Variants in ZFHX3 observed in about 807,000 individuals in gnomAD.
The protein encoded by ZFHX3 is zinc finger homeobox 3.
ZFHX3 carries 42 observed loss-of-function variants against 279.1 expected under a neutral mutation model. The observed-to-expected ratio is 0.15, with a 90% CI of 0.12 to 0.19. The LOEUF (loss-of-function observed/expected upper bound fraction) is 0.19, where lower values mean the gene tolerates loss of function less well. Ranked by LOEUF, ZFHX3 falls within the 10% of genes least tolerant of loss-of-function variation. ZFHX3 has a pLI of 1.00. For missense variants in ZFHX3, 4,981 were observed against 4,754.0 expected, an observed-to-expected ratio of 1.05 and a Z score of -1.40; for synonymous variants, 2,293 against 1,957.8, an observed-to-expected ratio of 1.17 and a Z score of -4.52.
intron 3 of ZFHX3, among the ~76,000 whole-genome samples, chr16:73,406,109 T>TCAGGA (rs1305595568): frequency 1.3e-5 from 2 of 152,266 alleles, no homozygotes; most frequent in African/African-American, 4.8e-5. Context: ...GAAGCCGGCC[T>TCAGGA]CAGGATGCCC....
intron 1 of ZFHX3, among the ~76,000 whole-genome samples, chr16:72,979,053 C>G (rs952995707): frequency 1.3e-5 from 2 of 152,172 alleles, no homozygotes; most frequent in Non-Finnish European, 1.5e-5. Context: ...GCCAAACTCT[C>G]ACAAGCAGCA....
At chr16:73,746,303 A>G (rs1366731787) in intron 1 of ZFHX3, among the ~76,000 whole-genome samples, 2 of 152,022 alleles carry the variant, frequency 1.3e-5, no homozygotes, top group African/African-American at 4.8e-5. Context: ...ATCACTGAAC[A>G]GGGAAAAGCG....
intron 1 of ZFHX3, among the ~76,000 whole-genome samples, chr16:73,757,503 A>C (rs1348660638): frequency 6.6e-6 from 1 of 152,136 alleles, no homozygotes; most frequent in Admixed American, 6.5e-5. Flanking sequence ...CTCTCTCCCC[A>C]TGAGGACAGT....
chr16:72,799,908 C>T (rs983234025), intron 8 of ZFHX3, 119 bp downstream of exon 8: 11 of 874,498 alleles, frequency 1.3e-5, no homozygotes, highest in Non-Finnish European at 2.1e-5. Context: ...CCCCTCATCT[C>T]CTGATCAGTT....
At chr16:73,199,568 G>A in intron 5 of ZFHX3, among the ~76,000 whole-genome samples, 1 of 152,152 alleles carries the variant, frequency 6.6e-6, no homozygotes, top group East Asian at 1.9e-4. Flanking sequence ...ATTACTTATT[G>A]ATTTTTCAAC....
At chr16:73,830,600 T>C (rs374597834) in intron 1 of ZFHX3, among the ~76,000 whole-genome samples, 1 of 152,170 alleles carries the variant, frequency 6.6e-6, no homozygotes, top group East Asian at 1.9e-4. Context: ...CCTGTGAAAA[T>C]TCCCATATCT....
Position 72,958,648 on chromosome 16 carries a change from C to A in ZFHX3, c.1498G>T (p.Asp500Tyr), listed in dbSNP as rs1399279572. The part of the protein sequence containing the change: ...GCKGLFPSEL[D>Y]EELEDRPHEE... ...TGGGGCCTGTCCTCCAGTTCCTCAT[C>A]CAACTCGCTTGGAAAGAGTCCTTTG... Residue 500 changes from aspartate (D) to tyrosine (Y), a missense_variant, in exon 2 of 10, where the codon GAT becomes TAT. Asp to Tyr is a radical substitution (Grantham distance 160). Coordinates refer to ENST00000268489, the MANE Select transcript of ZFHX3 (RefSeq NM_006885.4). The A allele has an allele frequency of 5.6e-6, 9 of 1,613,982 alleles. No individual in the cohort carries two copies. The highest frequency in any genetic ancestry group is 7.6e-6 in the Non-Finnish European group (9 of 1,180,036).
chr16:73,801,978 G>A (rs144142191), intron 1 of ZFHX3, among the ~76,000 whole-genome samples: 58 of 152,158 alleles, frequency 3.8e-4, no homozygotes, highest in African/African-American at 1.1e-3. Flanking sequence ...ATCTCTCCTC[G>A]CCGTTAGAGG....
At chr16:72,806,453 G>A (rs775779734) in intron 7 of ZFHX3, among the ~76,000 whole-genome samples, 15 of 152,146 alleles carry the variant, frequency 9.9e-5, no homozygotes, top group Non-Finnish European at 1.3e-4. Flanking sequence ...AGTATACCAA[G>A]GTCACTTCTA....
intron 3 of ZFHX3, among the ~76,000 whole-genome samples, chr16:72,944,882 A>G (rs1401432444): frequency 6.6e-6 from 1 of 152,258 alleles, no homozygotes; most frequent in Non-Finnish European, 1.5e-5. Flanking sequence ...CATTTAGAAA[A>G]AAGAGAATAA....
At chr16:72,990,976 T>C (rs1950741691) in intron 1 of ZFHX3, among the ~76,000 whole-genome samples, 1 of 149,732 alleles carries the variant, frequency 6.7e-6, no homozygotes, top group South Asian at 2.1e-4. Context: ...TGAGACCCTG[T>C]CTCAAAAAAT....
intron 7 of ZFHX3, chr16:73,123,689 T>A (rs1026924269): frequency 1.3e-5 from 2 of 152,162 alleles, no homozygotes; most frequent in African/African-American, 4.8e-5. Context: ...GTCTCAATGT[T>A]TGAGTCACCT....
intron 1 of ZFHX3, among the ~76,000 whole-genome samples, chr16:73,034,631 G>A (rs1964835086): frequency 6.6e-6 from 1 of 152,196 alleles, no homozygotes; most frequent in African/African-American, 2.4e-5. Context: ...CCCTGTCTGT[G>A]ATTTCAGTAA....
At chr16:72,874,437 C>T (rs1051735931) in intron 4 of ZFHX3, among the ~76,000 whole-genome samples, 10 of 151,832 alleles carry the variant, frequency 6.6e-5, no homozygotes, top group East Asian at 1.9e-4. Context: ...CTCCTGACCT[C>T]GTGATCTGCC....
At chr16:72,998,773 C>A (rs145913319) in intron 1 of ZFHX3, among the ~76,000 whole-genome samples, 1 of 152,224 alleles carries the variant, frequency 6.6e-6, no homozygotes, top group Non-Finnish European at 1.5e-5. Context: ...CTCTTTCCCA[C>A]GGCATTAACA....
intron 1 of ZFHX3, among the ~76,000 whole-genome samples, chr16:73,057,892 G>A (rs1212597346): frequency 2.7e-5 from 4 of 149,170 alleles, no homozygotes; most frequent in African/African-American, 9.7e-5. Context: ...AGCAGTGGCT[G>A]CGACCGCGGC....
At chr16:72,867,220 T>C (rs1360720276) in intron 4 of ZFHX3, among the ~76,000 whole-genome samples, 1 of 152,148 alleles carries the variant, frequency 6.6e-6, no homozygotes, top group Non-Finnish European at 1.5e-5. Context: ...CAGCATTAAT[T>C]CTACTCCACC....
At chr16:72,810,374 C>T (rs202044582) in intron 7 of ZFHX3, among the ~76,000 whole-genome samples, 1 of 152,054 alleles carries the variant, frequency 6.6e-6, no homozygotes, top group African/African-American at 2.4e-5. Flanking sequence ...TTAGTAGAGA[C>T]AGGGTTTCGC....
At chr16:72,976,132 T>C (rs897979073) in intron 1 of ZFHX3, among the ~76,000 whole-genome samples, 6 of 152,278 alleles carry the variant, frequency 3.9e-5, no homozygotes, top group Admixed American at 6.5e-5. Flanking sequence ...ATATGAAAAA[T>C]GCATGTTAAC....
Sources: gnomAD v4.1 joint callset for allele counts (sites outside exome capture counted in the v4.1 genomes callset) on GRCh38, gnomAD v4.1.1 for gene constraint, MANE v1.5 for transcripts, NCBI Gene and HGNC (gene_info 2026-07-23, HGNC 2026-07-21) for gene names.